FKBP9: variants seen among roughly 807,000 people sequenced by gnomAD.
The protein encoded by FKBP9 is peptidyl-prolyl cis-trans isomerase FKBP9.
A neutral mutation model predicts 55.6 loss-of-function variants in FKBP9; 27 were observed. The ratio of observed to expected loss-of-function variants is 0.49; its 90% confidence interval spans 0.36 to 0.67. FKBP9 has a LOEUF of 0.67. Among genes scored for constraint, FKBP9 ranks in the 30% least tolerant of loss-of-function variants. The probability of loss-of-function intolerance (pLI) is 0.00; values close to 1 mark genes in which losing one functional copy is unlikely to be tolerated. For missense variants in FKBP9, 539 were observed against 742.8 expected (o/e 0.73, Z 3.19); for synonymous variants, 267 against 296.5 (o/e 0.90, Z 1.02).
chr7:32,969,788 A>C (rs1232223392), intron 1 of FKBP9, among the ~76,000 whole-genome samples: 1 of 152,010 alleles, frequency 6.6e-6, no homozygotes, highest in African/African-American at 2.4e-5. Context: ...TGATCACCTG[A>C]GGTCAGGAGT....
intron 1 of FKBP9, among the ~76,000 whole-genome samples, chr7:32,967,982 C>A (rs181704551): frequency 6.6e-6 from 1 of 152,110 alleles, no homozygotes. Context: ...TTCTAACTCC[C>A]GACCTCAGGT....
intron 1 of FKBP9, among the ~76,000 whole-genome samples, chr7:32,970,248 G>A (rs1407563167): frequency 1.3e-5 from 2 of 151,978 alleles, no homozygotes; most frequent in African/African-American, 4.8e-5. Flanking sequence ...CCAGACTGGA[G>A]TGAAGTGGTG....
intron 1 of FKBP9, among the ~76,000 whole-genome samples, chr7:32,965,849 G>GGA (rs1784134242): frequency 1.2e-5 from 1 of 80,884 alleles, no homozygotes; most frequent in East Asian, 3.2e-4. Context: ...ATATATGTGT[G>GGA]TACAGATATA....
intron 9 of FKBP9, among the ~76,000 whole-genome samples, chr7:33,003,569 C>T (rs1204544305): frequency 6.6e-6 from 1 of 152,208 alleles, no homozygotes; most frequent in Non-Finnish European, 1.5e-5. Flanking sequence ...GCATTTGTCC[C>T]TCTATGCCTC....
At chr7:32,991,298 A>G (rs1256951888) in intron 6 of FKBP9, among the ~76,000 whole-genome samples, 3 of 151,934 alleles carry the variant, frequency 2.0e-5, no homozygotes, top group Non-Finnish European at 4.4e-5. Flanking sequence ...CTGGGCAATG[A>G]GACTCCTTCA....
chr7:32,964,871 G>A (rs2127976616), intron 1 of FKBP9, among the ~76,000 whole-genome samples: 1 of 152,296 alleles, frequency 6.6e-6, no homozygotes, highest in African/African-American at 2.4e-5. Flanking sequence ...AGTCTCAGTG[G>A]TGAAACTCAG....
chr7:32,983,133 C>T (rs183229315), intron 5 of FKBP9, among the ~76,000 whole-genome samples: 11 of 152,026 alleles, frequency 7.2e-5, no homozygotes, highest in African/African-American at 2.2e-4. Context: ...AAGCGATTCT[C>T]GTGTCTCAGC....
chr7:32,988,241 C>T (rs1428872466), intron 5 of FKBP9, among the ~76,000 whole-genome samples: 2 of 152,174 alleles, frequency 1.3e-5, no homozygotes, highest in Admixed American at 6.5e-5. Context: ...TGGTGCTTCT[C>T]ATAACCCACA....
At chr7:32,973,138 A>G (rs1784284295) in intron 1 of FKBP9, among the ~76,000 whole-genome samples, 1 of 152,154 alleles carries the variant, frequency 6.6e-6, no homozygotes. Flanking sequence ...GTGGGTCTCT[A>G]TCAGTATATA....
At chr7:32,992,588 A>G in intron 6 of FKBP9, 1 of 180,012 alleles carries the variant, frequency 5.6e-6, no homozygotes, top group East Asian at 9.2e-5. Flanking sequence ...GCTGGTCAGC[A>G]CTCATTTCTA....
chr7:32,977,829 G>C (rs1249766928), intron 4 of FKBP9, among the ~76,000 whole-genome samples: 1 of 129,328 alleles, frequency 7.7e-6, no homozygotes, highest in African/African-American at 2.9e-5. Flanking sequence ...ATATATACAC[G>C]CCCATATATA....
chr7:32,961,897 C>T (rs958336393), intron 1 of FKBP9, among the ~76,000 whole-genome samples: 3 of 151,950 alleles, frequency 2.0e-5, no homozygotes, highest in African/African-American at 4.8e-5. Flanking sequence ...AAGCTCAGGG[C>T]TCCCACTGAT....
intron 5 of FKBP9, among the ~76,000 whole-genome samples, chr7:32,985,679 G>A (rs1204214488): frequency 2.0e-5 from 3 of 152,136 alleles, no homozygotes; most frequent in African/African-American, 7.2e-5. Context: ...TTTAAAATTT[G>A]TAAGTTAGTT....
chr7:33,006,547 C>T lies in FKBP9; in HGVS notation c.*1196C>T, dbSNP rs1208715712. ...CACTCAACAGAGTATTTCCCTTGGC[C>T]GAGATGGAAGTTTTGTCCCAATAGA... is the stretch of plus-strand genomic sequence containing the variant. On this transcript the variant is annotated 3_prime_UTR_variant, in exon 10 of 10. Transcript: ENST00000242209. 1 of 203,436 alleles carries T rather than the reference C, an allele frequency of 4.9e-6. No homozygotes were observed. Among genetic ancestry groups the T allele is most frequent in the Non-Finnish European group, 1.0e-5 (1 of 99,280 alleles). The allele number at this position is 203,436 out of a possible 1,614,324, so 12.6% of individuals were successfully genotyped here.
At chr7:32,962,746 G>A (rs1235071752) in intron 1 of FKBP9, among the ~76,000 whole-genome samples, 1 of 152,064 alleles carries the variant, frequency 6.6e-6, no homozygotes, top group African/African-American at 2.4e-5. Context: ...CAGGTGCCAA[G>A]GATGTAACAG....
Position 33,005,403 on chromosome 7 carries a change from T to G in FKBP9, c.*52T>G. Reference sequence around the variant, plus strand: ...GGAGTACGTGACACCAAGCCACCTGTGTGGCAAGACGTGCAGTGAGGGTGC... The same window carrying G: ...GGAGTACGTGACACCAAGCCACCTGGGTGGCAAGACGTGCAGTGAGGGTGC... On this transcript the variant is annotated 3_prime_UTR_variant, in exon 10 of 10. Coordinates refer to ENST00000242209, the MANE Select transcript of FKBP9 (RefSeq NM_007270.5). 3 of 1,601,650 alleles carry G rather than the reference T, an allele frequency of 1.9e-6. No homozygotes were observed. Among genetic ancestry groups the G allele is most frequent in the Non-Finnish European group, 2.6e-6 (3 of 1,171,936 alleles).
chr7:32,996,843 G>A (rs1279013291), intron 7 of FKBP9, among the ~76,000 whole-genome samples: 2 of 122,404 alleles, frequency 1.6e-5, no homozygotes, highest in South Asian at 2.7e-4. Flanking sequence ...GCCGGACTGC[G>A]GACTGCAGTG....
At chr7:32,982,594 CA>C (rs894518799) in intron 5 of FKBP9, among the ~76,000 whole-genome samples, 10 of 149,896 alleles carry the variant, frequency 6.7e-5, no homozygotes, top group Admixed American at 1.3e-4. Flanking sequence ...TTTCTGTTAC[CA>C]AAAAAAAATC....
rs1324013922 is a variant in FKBP9 at position 33,006,279 on chromosome 7, G to C, written c.*928G>C. The C allele has an allele frequency of 1.6e-5, 3 of 188,526 alleles. No individual in the cohort carries two copies. Among genetic ancestry groups the C allele is most frequent in the Non-Finnish European group, 3.3e-5 (3 of 89,862 alleles). 11.7% of individuals were successfully genotyped at this position (188,526 alleles called of 1,614,324 possible). On this transcript the variant is annotated 3_prime_UTR_variant, in exon 10 of 10. Transcript: ENST00000242209. ...ACTACAGGTGTGCACCACCACGCCCGGCTAATTTTTGTATTTTTAGTAGAG... is the reference window on the plus strand; with the variant it reads ...ACTACAGGTGTGCACCACCACGCCCCGCTAATTTTTGTATTTTTAGTAGAG...
Sources: allele counts gnomAD v4.1 joint callset (sites outside exome capture counted in the v4.1 genomes callset), GRCh38; gene constraint gnomAD v4.1.1; transcripts MANE v1.5; gene names NCBI Gene and HGNC (gene_info 2026-07-23, HGNC 2026-07-21).